Variants in LRP1B observed in about 807,000 individuals in gnomAD.
The protein encoded by LRP1B is LDL receptor related protein 1B.
LRP1B carries 217 observed loss-of-function variants against 556.6 expected under a neutral mutation model. That is an observed-to-expected ratio of 0.39 (90% CI 0.35 to 0.44). The LOEUF (loss-of-function observed/expected upper bound fraction) is 0.44. Among genes scored for constraint, LRP1B ranks in the 20% least tolerant of loss-of-function variants. The pLI is 1.00. For missense variants in LRP1B, 5,053 were observed against 5,620.8 expected (o/e 0.90, Z 3.23); for synonymous variants, 2,047 against 1,865.8 (o/e 1.10, Z -2.50).
chr2:142,049,569 T>C (rs902956728), intron 1 of LRP1B, among the ~76,000 whole-genome samples: 9 of 152,244 alleles, frequency 5.9e-5, no homozygotes, highest in Non-Finnish European at 7.4e-5. Flanking sequence ...TTTGGCTATG[T>C]CTGTGGTAGC....
intron 3 of LRP1B, among the ~76,000 whole-genome samples, chr2:141,425,479 A>C (rs1442957865): frequency 1.4e-4 from 21 of 151,058 alleles, no homozygotes; most frequent in Admixed American, 4.0e-4. Context: ...GTTCTAGATC[A>C]CTGAGGAATC....
chr2:141,019,778 A>C (rs1045745505), intron 12 of LRP1B, 144 bp downstream of exon 12: 4 of 550,502 alleles, frequency 7.3e-6, no homozygotes, highest in Non-Finnish European at 1.2e-5. Context: ...AAAAACCCTT[A>C]AATGTGTAAC....
chr2:140,558,182 A>T (rs1030688419), intron 43 of LRP1B, among the ~76,000 whole-genome samples: 1 of 152,310 alleles, frequency 6.6e-6, no homozygotes, highest in African/African-American at 2.4e-5. Flanking sequence ...AGAATGGCAC[A>T]GCCACTTTAG....
At chr2:141,806,583 GT>G (rs1272963602) in intron 2 of LRP1B, among the ~76,000 whole-genome samples, 4 of 151,886 alleles carry the variant, frequency 2.6e-5, no homozygotes. Context: ...TCACACAACA[GT>G]TTTCTATGTG....
chr2:141,784,405 T>G (rs1457172205), intron 2 of LRP1B, among the ~76,000 whole-genome samples: 1 of 152,016 alleles, frequency 6.6e-6, no homozygotes, highest in Non-Finnish European at 1.5e-5. Flanking sequence ...TTACTGAAAA[T>G]TTGTGTGAAC....
chr2:140,837,918 A>T (rs572348426), intron 31 of LRP1B, among the ~76,000 whole-genome samples: 28 of 152,296 alleles, frequency 1.8e-4, no homozygotes, highest in African/African-American at 6.5e-4. Context: ...CGTTGTGCAC[A>T]TGTACCTGAA....
At chr2:142,080,168 A>G (rs1391760354) in intron 1 of LRP1B, among the ~76,000 whole-genome samples, 1 of 152,182 alleles carries the variant, frequency 6.6e-6, no homozygotes, top group Non-Finnish European at 1.5e-5. Flanking sequence ...GTGTCAAATA[A>G]AGACTTGTTC....
chr2:141,141,087 A>G (rs1558887996), intron 7 of LRP1B, among the ~76,000 whole-genome samples: 2 of 152,160 alleles, frequency 1.3e-5, no homozygotes, highest in Non-Finnish European at 2.9e-5. Flanking sequence ...GCATTAAGTT[A>G]GTAAAATATA....
At chr2:141,198,075 T>C (rs770278687) in intron 6 of LRP1B, among the ~76,000 whole-genome samples, 3 of 152,152 alleles carry the variant, frequency 2.0e-5, no homozygotes, top group Non-Finnish European at 4.4e-5. Context: ...TCTTGAATGG[T>C]TTAAGTGGGA....
At chr2:140,354,349 T>G (rs769867026) in intron 75 of LRP1B, among the ~76,000 whole-genome samples, 11 of 152,104 alleles carry the variant, frequency 7.2e-5, no homozygotes, top group Non-Finnish European at 1.3e-4. Flanking sequence ...TTTTCTGATT[T>G]TGTTGACTTT....
chr2:140,917,326 T>C (rs1694609403), intron 21 of LRP1B, among the ~76,000 whole-genome samples: 1 of 152,130 alleles, frequency 6.6e-6, no homozygotes, highest in Non-Finnish European at 1.5e-5. Flanking sequence ...GACCCTACTA[T>C]CCTGTAAATG....
At chr2:141,097,360 T>G (rs2104929242) in intron 7 of LRP1B, among the ~76,000 whole-genome samples, 1 of 152,318 alleles carries the variant, frequency 6.6e-6, no homozygotes, top group South Asian at 2.1e-4. Context: ...ACCTATCATT[T>G]TCTCTACCAA....
chr2:141,582,652 T>C (rs1253111046), intron 2 of LRP1B, among the ~76,000 whole-genome samples: 3 of 151,664 alleles, frequency 2.0e-5, no homozygotes, highest in Admixed American at 6.6e-5. Context: ...TGGGAAGGTG[T>C]AAAGATAAAA....
chr2:142,067,521 T>C (rs1156587192), intron 1 of LRP1B, among the ~76,000 whole-genome samples: 2 of 151,538 alleles, frequency 1.3e-5, no homozygotes, highest in Non-Finnish European at 3.0e-5. Flanking sequence ...TGTGATTCAA[T>C]TCAAATCTGA....
chr2:141,351,966 G>C (rs1468010297), intron 3 of LRP1B, among the ~76,000 whole-genome samples: 2 of 151,756 alleles, frequency 1.3e-5, no homozygotes, highest in Non-Finnish European at 2.9e-5. Context: ...AGAGACATGA[G>C]GGAGTATGAG....
At chr2:140,621,762 C>G (rs1007497664) in intron 41 of LRP1B, among the ~76,000 whole-genome samples, 1 of 152,172 alleles carries the variant, frequency 6.6e-6, no homozygotes. Flanking sequence ...GTAGAGTGAT[C>G]ACATCATTAC....
intron 84 of LRP1B, among the ~76,000 whole-genome samples, chr2:140,285,177 A>C (rs900551175): frequency 2.0e-5 from 3 of 149,862 alleles, no homozygotes; most frequent in East Asian, 2.0e-4. Flanking sequence ...ATACATATAC[A>C]TATCTACATC....
chr2:141,678,090 C>G (rs532452893), intron 2 of LRP1B, among the ~76,000 whole-genome samples: 1 of 152,044 alleles, frequency 6.6e-6, no homozygotes, highest in Non-Finnish European at 1.5e-5. Context: ...AGACTTAGGC[C>G]CATAAAGTTT....
At chr2:141,173,751 A>G (rs965913934) in intron 7 of LRP1B, among the ~76,000 whole-genome samples, 14 of 151,944 alleles carry the variant, frequency 9.2e-5, no homozygotes, top group African/African-American at 2.9e-4. Flanking sequence ...AGAAAAACAG[A>G]AAAAAAATGT....
Sources: allele counts gnomAD v4.1 joint callset (sites outside exome capture counted in the v4.1 genomes callset), GRCh38; gene constraint gnomAD v4.1.1; transcripts MANE v1.5; gene names NCBI Gene and HGNC (gene_info 2026-07-23, HGNC 2026-07-21).